Variants in GRM3 observed in about 807,000 individuals in gnomAD.
The protein encoded by GRM3 is metabotropic glutamate receptor 3.
Under a neutral mutation model 70.5 loss-of-function variants are expected in GRM3, and 26 were observed. The ratio of observed to expected loss-of-function variants is 0.37; its 90% CI spans 0.27 to 0.51. GRM3 has a LOEUF of 0.51. Among genes scored for constraint, GRM3 ranks in the 20% least tolerant of loss-of-function variants. The pLI is 0.93. For missense variants in GRM3, 859 were observed against 1,123.8 expected, an observed-to-expected ratio of 0.76 and a Z score of 3.37; for synonymous variants, 443 against 434.9, an observed-to-expected ratio of 1.02 and a Z score of -0.23.
At chr7:86,832,159 A>G (rs1798364778) in intron 3 of GRM3, among the ~76,000 whole-genome samples, 2 of 151,414 alleles carry the variant, frequency 1.3e-5, no homozygotes, top group African/African-American at 2.4e-5. Flanking sequence ...TTTCACCTAT[A>G]TCTTAATTCT....
At chr7:86,797,090 CT>C (rs1192413281) in intron 3 of GRM3, among the ~76,000 whole-genome samples, 1 of 152,110 alleles carries the variant, frequency 6.6e-6, no homozygotes, top group Non-Finnish European at 1.5e-5. Context: ...TCAGGTATGT[CT>C]TTATTAACCG....
intron 3 of GRM3, among the ~76,000 whole-genome samples, chr7:86,817,761 G>A (rs569700125): frequency 6.6e-6 from 1 of 152,082 alleles, no homozygotes; most frequent in South Asian, 2.1e-4. Context: ...CTACATTAAA[G>A]CTAGAAAGGT....
At chr7:86,667,543 C>T (rs1794058114) in intron 1 of GRM3, among the ~76,000 whole-genome samples, 1 of 152,042 alleles carries the variant, frequency 6.6e-6, no homozygotes, top group South Asian at 2.1e-4. Context: ...GCATCATATT[C>T]CAGCTACTCT....
Position 86,778,195 on chromosome 7 carries a change from T to C in GRM3, c.469-8066T>C, listed in dbSNP as rs2237560. 1.5e-3 allele frequency among the ~76,000 whole-genome samples: 227 copies of C among 152,336 alleles called. 2 individuals are homozygous for C. In the East Asian group the frequency reaches 0.024, roughly 16 times the overall value. On this transcript the variant is annotated intron_variant, in intron 2 of 5. Coordinates refer to ENST00000361669, the MANE Select transcript of GRM3 (RefSeq NM_000840.3). ...CAATGGTTTATTTTTTAAATGTATATAGTTCAGCTCTGTAAATAACATTCT... is the reference window on the plus strand; with the variant it reads ...CAATGGTTTATTTTTTAAATGTATACAGTTCAGCTCTGTAAATAACATTCT...
chr7:86,858,579 C>A (rs1798895265), intron 5 of GRM3, among the ~76,000 whole-genome samples: 1 of 152,152 alleles, frequency 6.6e-6, no homozygotes, highest in South Asian at 2.1e-4. Context: ...CAGTGCCATG[C>A]TCTTGCACTT....
At chr7:86,849,269 G>C (rs1301530912) in intron 4 of GRM3, among the ~76,000 whole-genome samples, 1 of 152,140 alleles carries the variant, frequency 6.6e-6, no homozygotes, top group Non-Finnish European at 1.5e-5. Context: ...TGTTTTCTGA[G>C]AATTTGACAA....
intron 1 of GRM3, among the ~76,000 whole-genome samples, chr7:86,651,562 C>A (rs914768606): frequency 2.6e-5 from 4 of 152,156 alleles, no homozygotes; most frequent in African/African-American, 9.7e-5. Flanking sequence ...AATTAACTTT[C>A]TACTTTGGAA....
intron 1 of GRM3, among the ~76,000 whole-genome samples, chr7:86,654,377 C>CA (rs751027237): frequency 5.4e-4 from 83 of 152,308 alleles, no homozygotes; most frequent in Middle Eastern, 6.8e-3. Flanking sequence ...ATCTCAGAGA[C>CA]AAAACTGTTA....
At chr7:86,719,697 G>A (rs927364132) in intron 1 of GRM3, among the ~76,000 whole-genome samples, 57 of 151,912 alleles carry the variant, frequency 3.8e-4, no homozygotes, top group African/African-American at 1.3e-3. Context: ...GACAAATACT[G>A]AGCAACTAAT....
At chr7:86,692,046 T>C (rs1794707786) in intron 1 of GRM3, among the ~76,000 whole-genome samples, 1 of 152,162 alleles carries the variant, frequency 6.6e-6, no homozygotes, top group South Asian at 2.1e-4. Flanking sequence ...CAAGTTAACA[T>C]GTGATTTCAC....
chr7:86,855,983 T>G (rs1237312865), intron 5 of GRM3, among the ~76,000 whole-genome samples: 1 of 152,196 alleles, frequency 6.6e-6, no homozygotes, highest in Non-Finnish European at 1.5e-5. Context: ...TAATACAAAC[T>G]GAATTGATGG....
intron 2 of GRM3, among the ~76,000 whole-genome samples, chr7:86,783,306 A>T (rs2116519537): frequency 6.6e-6 from 1 of 152,318 alleles, no homozygotes; most frequent in South Asian, 2.1e-4. Flanking sequence ...GTCACACAGT[A>T]GAAGGTAGAG....
rs146053013 is a variant in GRM3, at chr7:86,804,449, G to A, written c.1324+17333G>A. On this transcript the variant is annotated intron_variant, in intron 3 of 5. Coordinates refer to ENST00000361669, the MANE Select transcript of GRM3 (RefSeq NM_000840.3). ...CTTGAGATGGAGTCTTGCTCTTGTC[G>A]CCCAGGCTGGAGTACAATGGCGCAA... 2.5e-3 allele frequency among the ~76,000 whole-genome samples: 382 copies of A among 152,052 alleles called. 6 individuals are homozygous for A. The highest frequency in any genetic ancestry group is 1.5e-3 in the Non-Finnish European group (105 of 67,980).
rs533201220 is a variant in GRM3 at position 86,679,456 on chromosome 7, G to A, written c.-141+34584G>A. Among the ~76,000 whole-genome samples, 66 of 152,070 alleles carry A rather than the reference G, an allele frequency of 4.3e-4. No individual in the cohort carries two copies. In the South Asian group the frequency reaches 6.2e-3, roughly 14 times the overall value. ...CTGTAAGTTCAATATAGCTAAAATCGTTCTGGGTGATCACACTGAGTTATT... is the reference window on the plus strand; with the variant it reads ...CTGTAAGTTCAATATAGCTAAAATCATTCTGGGTGATCACACTGAGTTATT... On this transcript the variant is annotated intron_variant, in intron 1 of 5. Coordinates refer to ENST00000361669, the MANE Select transcript of GRM3 (RefSeq NM_000840.3).
intron 3 of GRM3, among the ~76,000 whole-genome samples, chr7:86,793,859 A>G (rs1797484487): frequency 6.6e-6 from 1 of 152,106 alleles, no homozygotes; most frequent in Non-Finnish European, 1.5e-5. Flanking sequence ...TCCTTAATTT[A>G]TTATGAGTCA....
In GRM3 at chr7:86,674,869, G is replaced by T. The variant is rs1421228361; in HGVS notation, c.-141+29997G>T. On this transcript the variant is annotated intron_variant, in intron 1 of 5. Transcript: ENST00000361669. Reference sequence around the variant, plus strand: ...CTGCATAGAATTTCTTGCCCTCTGTGAGTGACTAAATTATATTCATCTATT... The same window carrying T: ...CTGCATAGAATTTCTTGCCCTCTGTTAGTGACTAAATTATATTCATCTATT... Among the ~76,000 whole-genome samples the T allele has an allele frequency of 3.3e-5, 5 of 151,994 alleles. No homozygotes were observed. In the South Asian group the frequency reaches 1.0e-3, roughly 31 times the overall value.
chr7:86,735,006 A>G (rs1795823294), intron 1 of GRM3, among the ~76,000 whole-genome samples: 1 of 152,198 alleles, frequency 6.6e-6, no homozygotes, highest in Non-Finnish European at 1.5e-5. Flanking sequence ...ATTTTGTTAA[A>G]ATGGTTGGAA....
intron 2 of GRM3, among the ~76,000 whole-genome samples, chr7:86,770,837 C>G (rs1205302681): frequency 6.6e-6 from 1 of 152,048 alleles, no homozygotes; most frequent in Non-Finnish European, 1.5e-5. Flanking sequence ...AGTACACTCT[C>G]TCTGTGGACA....
intron 1 of GRM3, among the ~76,000 whole-genome samples, chr7:86,658,562 A>T (rs1562815664): frequency 6.6e-6 from 1 of 152,250 alleles, no homozygotes; most frequent in East Asian, 1.9e-4. Context: ...ACACTTTATT[A>T]TAATTGTCTC....
Sources: allele counts gnomAD v4.1 joint callset (sites outside exome capture counted in the v4.1 genomes callset), GRCh38; gene constraint gnomAD v4.1.1; transcripts MANE v1.5; gene names NCBI Gene and HGNC (gene_info 2026-07-23, HGNC 2026-07-21).